RIMBP2: variants seen among roughly 807,000 people sequenced by gnomAD.
RIMBP2 encodes RIMS binding protein 2.
Under a neutral mutation model 118.6 loss-of-function variants are expected in RIMBP2, and 48 were observed. The ratio of observed to expected loss-of-function variants is 0.40; its 90% CI spans 0.32 to 0.51. RIMBP2 has a LOEUF of 0.51. Ranked by LOEUF, RIMBP2 falls within the 20% of genes least tolerant of loss-of-function variation. The probability of loss-of-function intolerance (pLI) is 0.41; values close to 1 mark genes in which losing one functional copy is unlikely to be tolerated. For missense variants in RIMBP2, 1,551 were observed against 1,768.3 expected, an observed-to-expected ratio of 0.88 and a Z score of 2.20; for synonymous variants, 762 against 742.9, an observed-to-expected ratio of 1.03 and a Z score of -0.42.
Position 130,621,376 on chromosome 12 carries a change from ACT to A in RIMBP2, c.-217+6944_-217+6945del, listed in dbSNP as rs2061303054. 6.6e-6 allele frequency among the ~76,000 whole-genome samples: 1 copy of A among 152,072 alleles called. No homozygotes were observed. The highest frequency in any genetic ancestry group is 6.5e-5 in the Admixed American group (1 of 15,268). ...TGAACTCCAAGTGCACCATTAAGGG[ACT>A]CTGATTAAAGACTGACGCCAACACA... On this transcript the variant is annotated intron_variant, in intron 2 of 22. Transcript: ENST00000690449. The surrounding 1 kb of genome is among the most constrained non-coding windows in gnomAD (Gnocchi z 6.6).
At chr12:130,557,962 C>T (rs1407341237) in intron 2 of RIMBP2, among the ~76,000 whole-genome samples, 2 of 152,072 alleles carry the variant, frequency 1.3e-5, no homozygotes, top group African/African-American at 2.4e-5. Flanking sequence ...CCTGAAAAGT[C>T]GGGCGATAAT....
intron 1 of RIMBP2, among the ~76,000 whole-genome samples, chr12:130,648,126 G>T (rs2063072287): frequency 7.0e-6 from 1 of 143,394 alleles, no homozygotes; most frequent in African/African-American, 2.5e-5. Context: ...TAGATTATGA[G>T]TTCCTAAACT....
At chr12:130,557,207 C>T (rs2056437919) in intron 2 of RIMBP2, among the ~76,000 whole-genome samples, 4 of 152,144 alleles carry the variant, frequency 2.6e-5, no homozygotes, top group East Asian at 1.9e-4. Context: ...ACCTACAGGC[C>T]GAGGAGTACC....
intron 1 of RIMBP2, among the ~76,000 whole-genome samples, chr12:130,674,760 G>A (rs760264416): frequency 1.3e-4 from 19 of 151,880 alleles, no homozygotes; most frequent in African/African-American, 1.9e-4. Flanking sequence ...ATGACCGGCC[G>A]CTCCCCATTC....
Position 130,621,182 on chromosome 12 carries a change from C to G in RIMBP2, c.-217+7140G>C, listed in dbSNP as rs904491800. 2.6e-4 allele frequency among the ~76,000 whole-genome samples: 40 copies of G among 152,226 alleles called. No homozygotes were observed. Among genetic ancestry groups the G allele is most frequent in the African/African-American group, 9.1e-4 (38 of 41,544 alleles). On this transcript the variant is annotated intron_variant, in intron 2 of 22. Coordinates refer to ENST00000690449, the MANE Select transcript of RIMBP2 (RefSeq NM_001393629.1). This position sits in a 1 kb window ranked among gnomAD's most constrained non-coding sequence, Gnocchi z 6.6. ...GAAACCCTTGAGTTCAGTCACCAGG[C>G]TCTGGAGATGGGTCTTCTGAAAGGT...
chr12:130,530,653 C>T (rs998338250), intron 2 of RIMBP2, among the ~76,000 whole-genome samples: 1 of 152,114 alleles, frequency 6.6e-6, no homozygotes, highest in Non-Finnish European at 1.5e-5. Flanking sequence ...GGATGTGCCT[C>T]CTAGGATTCT....
At chr12:130,661,722 G>C (rs1268066016) in intron 1 of RIMBP2, among the ~76,000 whole-genome samples, 4 of 152,178 alleles carry the variant, frequency 2.6e-5, no homozygotes, top group African/African-American at 9.7e-5. Context: ...AGCACAGTTT[G>C]GGTTAGAGTT....
intron 1 of RIMBP2, among the ~76,000 whole-genome samples, chr12:130,652,049 T>A (rs1454016941): frequency 1.3e-5 from 2 of 152,220 alleles, no homozygotes; most frequent in African/African-American, 4.8e-5. Context: ...ATCTTGTTAG[T>A]CTTCTGGTTT....
intron 2 of RIMBP2, among the ~76,000 whole-genome samples, chr12:130,598,659 C>T (rs1400084191): frequency 6.0e-5 from 9 of 151,238 alleles, no homozygotes; most frequent in East Asian, 3.9e-4. Context: ...ACCCGGGAGG[C>T]GGAGCTTGCA....
rs182590595 is a variant in RIMBP2 at position 130,710,624 on chromosome 12, A to C, written c.-352+5598T>G. Among the ~76,000 whole-genome samples, 1 of 152,256 alleles carries C rather than the reference A, an allele frequency of 6.6e-6. No individual in the cohort carries two copies. Among genetic ancestry groups the C allele is most frequent in the East Asian group, 1.9e-4 (1 of 5,172 alleles). ...GCCTTCCTGGGTCCCACACAGATAG[A>C]GAAGTGGCAGGTGCTGCACCTCCCC... On this transcript the variant is annotated intron_variant, in intron 1 of 22. Coordinates refer to ENST00000690449, the MANE Select transcript of RIMBP2 (RefSeq NM_001393629.1). The surrounding 1 kb of genome is among the most constrained non-coding windows in gnomAD (Gnocchi z 4.3).
At chr12:130,532,811 AGCCT>A (rs2139374466) in intron 2 of RIMBP2, among the ~76,000 whole-genome samples, 1 of 150,686 alleles carries the variant, frequency 6.6e-6, no homozygotes, top group African/African-American at 2.4e-5. Flanking sequence ...GCGTGTGTGT[AGCCT>A]CTAGGAGTTA....
chr12:130,509,049 C>G (rs1157628658), intron 3 of RIMBP2, among the ~76,000 whole-genome samples: 1 of 152,144 alleles, frequency 6.6e-6, no homozygotes, highest in Non-Finnish European at 1.5e-5. Context: ...GACCCCCGGC[C>G]CCCGGCCCTC....
intron 21 of RIMBP2, among the ~76,000 whole-genome samples, chr12:130,404,630 C>T (rs150965280): frequency 3.4e-4 from 51 of 152,134 alleles, no homozygotes; most frequent in Non-Finnish European, 7.1e-4. Flanking sequence ...ATAAAGGATG[C>T]GTAAGAATAA....
chr12:130,472,578 A>C (rs1044594938), intron 5 of RIMBP2, among the ~76,000 whole-genome samples: 4 of 152,254 alleles, frequency 2.6e-5, no homozygotes, highest in African/African-American at 4.8e-5. Flanking sequence ...CAGTTTCTAG[A>C]GAAATATTTC....
At chr12:130,398,649 C>A (rs1311953976) in intron 22 of RIMBP2, 2 of 152,540 alleles carry the variant, frequency 1.3e-5, no homozygotes, top group Non-Finnish European at 2.9e-5. Flanking sequence ...TCTGGCCACT[C>A]GAGCCAGTGT....
chr12:130,675,948 G>A (rs188084397), intron 1 of RIMBP2, among the ~76,000 whole-genome samples: 31 of 152,326 alleles, frequency 2.0e-4, no homozygotes, highest in Admixed American at 8.5e-4. Context: ...AGGACGCCAC[G>A]AGAGCTAGAG....
Position 130,478,940 on chromosome 12 carries a change from T to A in RIMBP2, c.74A>T (p.Lys25Met). The A allele has an allele frequency of 6.2e-7, 1 of 1,613,794 alleles. No homozygotes were observed. Among genetic ancestry groups the A allele is most frequent in the South Asian group, 1.1e-5 (1 of 91,064 alleles). Residue 25 changes from lysine to methionine, a missense_variant, in exon 5 of 23, where the codon AAG (lysine) becomes ATG (methionine). Physicochemically the swap from Lys to Met is moderately conservative, Grantham distance 95. Transcript: ENST00000690449. The stretch of plus-strand genomic sequence containing the variant: ...CTGCAGAAGGTCAATTTCCTGCTGC[T>A]TGGCACTGAGAACAGCCAGGGCCTG... ...HDQALAVLSA[K>M]QQEIDLLQKA...
chr12:130,673,240 A>G (rs1594182835), intron 1 of RIMBP2, among the ~76,000 whole-genome samples: 1 of 152,014 alleles, frequency 6.6e-6, no homozygotes, highest in Non-Finnish European at 1.5e-5. Flanking sequence ...GGACAACTCA[A>G]CTCGCGGGCT....
At chr12:130,565,790 C>T (rs1010895500) in intron 2 of RIMBP2, among the ~76,000 whole-genome samples, 1 of 152,214 alleles carries the variant, frequency 6.6e-6, no homozygotes, top group African/African-American at 2.4e-5. Context: ...ATGAAAAACA[C>T]TGTTAACGAA....
Sources: allele counts gnomAD v4.1 joint callset (sites outside exome capture counted in the v4.1 genomes callset), GRCh38; gene constraint gnomAD v4.1.1; non-coding constraint Gnocchi (gnomAD v3.1); transcripts MANE v1.5; gene names NCBI Gene and HGNC (gene_info 2026-07-23, HGNC 2026-07-21).